The following CASZ1 variants were observed in gnomAD, a reference collection of about 807,000 sequenced individuals.
CASZ1 encodes the protein castor zinc finger 1, also known as zinc finger protein castor homolog 1.
In CASZ1, 28 loss-of-function variants were observed where a neutral mutation model predicts 135.2. That is an observed-to-expected ratio of 0.21 (90% CI 0.15 to 0.28). CASZ1 has a LOEUF of 0.28. CASZ1 is among the 10% of genes least tolerant of loss of function. The pLI is 1.00. For missense variants in CASZ1, 2,161 were observed against 2,453.3 expected (o/e 0.88, Z 2.52); for synonymous variants, 1,068 against 1,073.4 (o/e 0.99, Z 0.10).
chr1:10,750,299 G>A (rs1161367765), intron 2 of CASZ1, among the ~76,000 whole-genome samples: 8 of 152,022 alleles, frequency 5.3e-5, no homozygotes, highest in Non-Finnish European at 8.8e-5. Context: ...TTTAAGAGAC[G>A]GGGTCTTGCC....
At chr1:10,672,858 C>T (rs562922898) in intron 4 of CASZ1, among the ~76,000 whole-genome samples, 3 of 152,346 alleles carry the variant, frequency 2.0e-5, no homozygotes, top group East Asian at 1.9e-4. Flanking sequence ...ACGGTGGCGG[C>T]GGCTCCGTTC....
chr1:10,678,892 G>C (rs571330897), intron 4 of CASZ1, among the ~76,000 whole-genome samples: 1 of 152,294 alleles, frequency 6.6e-6, no homozygotes, highest in African/African-American at 2.4e-5. Flanking sequence ...CAAAATTAGA[G>C]ATGGTTGAGC....
At position 10,659,767 on chromosome 1, in the gene CASZ1, G is replaced by A. The variant is rs1642945703; in HGVS notation, c.1275C>T (p.Pro425=). 8.7e-6 allele frequency: 14 copies of A among 1,613,902 alleles called. No homozygotes were observed. Among genetic ancestry groups the A allele is most frequent in the South Asian group, 4.4e-5 (4 of 91,082 alleles). The change falls in exon 6 of 21, where the codon CCC becomes CCT. Residue 425 remains proline, a synonymous_variant. Transcript: ENST00000377022. ...TGGAGAAGGTTGACTTCAGGTACTC[G>A]GGAGTGTTGAAGGACAGGGAGGCAG... ...EPPASLSFNT[P]EYLKSTFSKT... is the part of the protein sequence containing the mutation.
chr1:10,789,919 C>G (rs1214963942), intron 1 of CASZ1, among the ~76,000 whole-genome samples: 1 of 152,114 alleles, frequency 6.6e-6, no homozygotes, highest in Non-Finnish European at 1.5e-5. Context: ...CAGGCTTTAG[C>G]TTTTTTTCCC....
intron 2 of CASZ1, among the ~76,000 whole-genome samples, chr1:10,738,944 T>C (rs12741487): frequency 1.1e-3 from 157 of 144,734 alleles, no homozygotes; most frequent in African/African-American, 4.1e-3. Context: ...TTTTTTTTTT[T>C]CACTTTTCGC....
At chr1:10,645,293 G>A (rs1475565975) in intron 17 of CASZ1, among the ~76,000 whole-genome samples, 2 of 152,240 alleles carry the variant, frequency 1.3e-5, no homozygotes, top group East Asian at 3.8e-4. Context: ...CGCTTTGGGA[G>A]GCCGAGGTGG....
intron 1 of CASZ1, among the ~76,000 whole-genome samples, chr1:10,768,240 CAG>C (rs749028714): frequency 3.0e-4 from 46 of 151,512 alleles, no homozygotes; most frequent in Non-Finnish European, 5.7e-4. Flanking sequence ...GTTTTTGAGA[CAG>C]AGTCTCACTC....
At position 10,720,619 on chromosome 1, in the gene CASZ1, A is replaced by G. The variant is rs144890401; in HGVS notation, c.-76-15075T>C. ...CTTTCCACGGGACTCATGTCCTAAT[A>G]TGGGCCCAGCAGCTTTCTGGGTTAT... On this transcript the variant is annotated intron_variant, in intron 2 of 20. Transcript: ENST00000377022. The surrounding 1 kb of genome is among the most constrained non-coding windows in gnomAD (Gnocchi z 5.7). Among the ~76,000 whole-genome samples, 1 of 152,268 alleles carries G rather than the reference A, an allele frequency of 6.6e-6. No homozygotes were observed. Among genetic ancestry groups the G allele is most frequent in the Non-Finnish European group, 1.5e-5 (1 of 68,012 alleles).
rs774577773 is a variant in CASZ1, at chr1:10,650,950, T to C, written c.2807A>G (p.Lys936Arg). The change falls in exon 12 of 21, where the codon AAG (lysine) becomes AGG (arginine). Residue 936 changes from lysine (K) to arginine (R), a missense_variant. By Grantham distance (26) the Lys-to-Arg change is conservative. Around this residue, in one of 7 missense-constraint regions of CASZ1, gnomAD observed 406 missense variants for 387.6 expected, o/e 1.05. Transcript: ENST00000377022. ...SQDRSLDLTV[K>R]EPSNESNGHA... ...GGGGGCCTCGCCTCACCTGGGCTCC[T>C]TCACAGTCAGGTCTAGACTGCGGTC... 6.2e-7 allele frequency: 1 copy of C among 1,603,802 alleles called. No homozygotes were observed. Among genetic ancestry groups the C allele is most frequent in the South Asian group, 1.1e-5 (1 of 89,620 alleles).
intron 1 of CASZ1, among the ~76,000 whole-genome samples, chr1:10,793,775 T>C (rs1440579794): frequency 6.6e-6 from 1 of 151,874 alleles, no homozygotes; most frequent in Admixed American, 6.6e-5. Context: ...GGGACAGAGA[T>C]GGTGGCTACC....
Position 10,762,073 on chromosome 1 carries a change from C to T in CASZ1, c.-233-1216G>A, listed in dbSNP as rs531171766. 1.5e-4 allele frequency among the ~76,000 whole-genome samples: 23 copies of T among 152,312 alleles called. 1 individual carries two copies. The highest frequency in any genetic ancestry group is 5.3e-4 in the African/African-American group (22 of 41,570). On this transcript the variant is annotated intron_variant, in intron 1 of 20. Coordinates refer to ENST00000377022, the MANE Select transcript of CASZ1 (RefSeq NM_001079843.3). This position sits in a 1 kb window ranked among gnomAD's most constrained non-coding sequence, Gnocchi z 4.1. ...AACTTGGCCCGGCCCTCAGAGTCCC[C>T]GGAGGCCTTGCAGGAGTGCACGAAC...
rs1642016840 is a variant in CASZ1, at chr1:10,637,073, T to A, written c.*1869A>T. The A allele has an allele frequency of 6.6e-6, 1 of 152,400 alleles. No homozygotes were observed. Among genetic ancestry groups the A allele is most frequent in the African/African-American group, 2.4e-5 (1 of 41,422 alleles). 9.4% of individuals were successfully genotyped at this position (152,400 alleles called of 1,614,324 possible). Reference sequence around the variant, plus strand: ...TATAGTCCTAGTGTGCAATATGAAGTTTACAAAAGGCTAGACTCCGCACTG... The same window carrying A: ...TATAGTCCTAGTGTGCAATATGAAGATTACAAAAGGCTAGACTCCGCACTG... On this transcript the variant is annotated 3_prime_UTR_variant, in exon 21 of 21. Transcript: ENST00000377022.
chr1:10,789,010 G>T (rs1447635603), intron 1 of CASZ1, among the ~76,000 whole-genome samples: 1 of 152,180 alleles, frequency 6.6e-6, no homozygotes, highest in African/African-American at 2.4e-5. Flanking sequence ...GAGCCCAAGG[G>T]GACAGTAAGG....
At chr1:10,662,802 C>T (rs1011149949) in intron 5 of CASZ1, among the ~76,000 whole-genome samples, 4 of 152,208 alleles carry the variant, frequency 2.6e-5, no homozygotes, top group Middle Eastern at 3.2e-3. Flanking sequence ...CATCCCTAGC[C>T]GCCTTCCTGC....
At position 10,747,322 on chromosome 1, in the gene CASZ1, C is replaced by A. The variant is rs1640062830; in HGVS notation, c.-77+13379G>T. 6.6e-6 allele frequency among the ~76,000 whole-genome samples: 1 copy of A among 152,178 alleles called. No individual in the cohort carries two copies. The highest frequency in any genetic ancestry group is 2.4e-5 in the African/African-American group (1 of 41,442). On this transcript the variant is annotated intron_variant, in intron 2 of 20. Transcript: ENST00000377022. The surrounding 1 kb of genome is among the most constrained non-coding windows in gnomAD (Gnocchi z 4.3). ...ATACGCTCATCTTTCGTAGATGCAA[C>A]CCAGCAGACAAACCAAATCCCATGG...
In CASZ1 at chr1:10,645,003, C is replaced by T; in HGVS notation, c.3782G>A (p.Trp1261Ter). ...CGCCTTCTCATGCTTCTTGATGTGCCAGGGGAGCTTGGTGGTGATGTTGGT... is the reference window on the plus strand; with the variant it reads ...CGCCTTCTCATGCTTCTTGATGTGCTAGGGGAGCTTGGTGGTGATGTTGGT... ...FVTNITTKLP[W>*]HIKKHEKAER... The change falls in exon 18 of 21, where the codon TGG becomes TAG. Residue 1261 changes from tryptophan to a stop codon, truncating the protein, a stop_gained. Coordinates refer to ENST00000377022, the MANE Select transcript of CASZ1 (RefSeq NM_001079843.3). LOFTEE classifies it high-confidence loss of function. 1 of 1,614,070 alleles carries T rather than the reference C, an allele frequency of 6.2e-7. No individual in the cohort carries two copies. The highest frequency in any genetic ancestry group is 8.5e-7 in the Non-Finnish European group (1 of 1,180,022).
chr1:10,651,271 A>G (rs1642574233), intron 11 of CASZ1, 195 bp from the exon 12 acceptor site: 1 of 149,616 alleles, frequency 6.7e-6, no homozygotes, highest in Non-Finnish European at 1.2e-5. Context: ...TTATTGCAAA[A>G]TTATGTCAAA....
In CASZ1 at chr1:10,676,312, C is replaced by T. The variant is rs1051722358; in HGVS notation, c.17-10741G>A. On this transcript the variant is annotated intron_variant, in intron 4 of 20. Coordinates refer to ENST00000377022, the MANE Select transcript of CASZ1 (RefSeq NM_001079843.3). The surrounding 1 kb of genome is among the most constrained non-coding windows in gnomAD (Gnocchi z 4.5). The stretch of plus-strand genomic sequence containing the variant: ...CCTGGGCTCCCGCTATTGTCGGCCA[C>T]GTTGAGGGAGGGCCCCTGCCTGTCC... Among the ~76,000 whole-genome samples, 6 of 152,272 alleles carry T rather than the reference C, an allele frequency of 3.9e-5. No individual in the cohort carries two copies. Among genetic ancestry groups the T allele is most frequent in the South Asian group, 2.1e-4 (1 of 4,822 alleles).
intron 20 of CASZ1, chr1:10,642,263 C>T (rs1642227801): frequency 1.4e-5 from 2 of 147,952 alleles, no homozygotes; most frequent in Non-Finnish European, 2.9e-5. Flanking sequence ...GCCGTGCGGG[C>T]AGCCTCATCA....
Sources: allele counts gnomAD v4.1 joint callset (sites outside exome capture counted in the v4.1 genomes callset), GRCh38; gene constraint gnomAD v4.1.1; regional missense constraint gnomAD v4.1.1; non-coding constraint Gnocchi (gnomAD v3.1); transcripts MANE v1.5; gene names NCBI Gene and HGNC (gene_info 2026-07-23, HGNC 2026-07-21).